Variants in DCUN1D5 observed in about 807,000 individuals in gnomAD.
DCUN1D5 encodes the protein DCN1-like protein 5.
Under a neutral mutation model 38.3 loss-of-function variants are expected in DCUN1D5, and 10 were observed. The ratio of observed to expected loss-of-function variants is 0.26; its 90% CI spans 0.16 to 0.44. The LOEUF is 0.44. Ranked by LOEUF, DCUN1D5 falls within the 20% of genes least tolerant of loss-of-function variation. DCUN1D5 has a pLI of 1.00. For synonymous variants in DCUN1D5, 93 were observed against 90.9 expected (o/e 1.02, Z -0.13); for missense variants, 148 against 275.3 (o/e 0.54, Z 3.27).
In DCUN1D5 at chr11:103,054,629, ATAGT is replaced by A. The variant is rs1861827949; in HGVS notation, c.*7726_*7729del. 6.6e-6 allele frequency: 1 copy of A among 152,124 alleles called. No individual in the cohort carries two copies. Among genetic ancestry groups the A allele is most frequent in the South Asian group, 2.1e-4 (1 of 4,830 alleles). 9.4% of individuals were successfully genotyped at this position (152,124 alleles called of 1,614,324 possible). A position where few individuals can be genotyped will look rare whatever the true frequency, so the allele number is the denominator to read the frequency against. On this transcript the variant is annotated 3_prime_UTR_variant, in exon 8 of 8. Transcript: ENST00000260247. ...ACGCTCATATAATAATACCCAGCACATAGTTAATTATTTCCTGAAAAAATGTTTT... is the reference window on the plus strand; with the variant it reads ...ACGCTCATATAATAATACCCAGCACATAATTATTTCCTGAAAAAATGTTTT...
rs1363416243 is a variant in DCUN1D5, at chr11:103,091,683, C to G, written c.86+104G>C. ...GCCTAGCTCGATCAAAGGGGCCTCA[C>G]CTGTCTCCAGCCCCAGCCCGGCAGG... is the stretch of plus-strand genomic sequence containing the variant. On this transcript the variant is annotated intron_variant, in intron 1 of 7. Transcript: ENST00000260247. This position sits in a 1 kb window ranked among gnomAD's most constrained non-coding sequence, Gnocchi z 4.3. 6.2e-7 allele frequency: 1 copy of G among 1,604,242 alleles called. No individual in the cohort carries two copies. The highest frequency in any genetic ancestry group is 1.7e-5 in the Admixed American group (1 of 58,990).
chr11:103,051,710 A>G lies in DCUN1D5; in HGVS notation c.*10649T>C, dbSNP rs1861743517. ...AAGTACAATATCAATATGCACATCAATCTTACCTCTACCTCACAGAAGAGG... is the reference window on the plus strand; with the variant it reads ...AAGTACAATATCAATATGCACATCAGTCTTACCTCTACCTCACAGAAGAGG... On this transcript the variant is annotated 3_prime_UTR_variant, in exon 8 of 8. Coordinates refer to ENST00000260247, the MANE Select transcript of DCUN1D5 (RefSeq NM_032299.4). 6.6e-6 allele frequency: 1 copy of G among 152,146 alleles called. No individual in the cohort carries two copies. The highest frequency in any genetic ancestry group is 1.5e-5 in the Non-Finnish European group (1 of 68,028). The allele number at this position is 152,146 out of a possible 1,614,324, so 9.4% of individuals were successfully genotyped here. A position where few individuals can be genotyped will look rare whatever the true frequency, so the allele number is the denominator to read the frequency against.
In DCUN1D5 at chr11:103,054,791, T is replaced by C. The variant is rs1261427065; in HGVS notation, c.*7568A>G. ...TCCTTGGAATATAAATATACATTTA[T>C]ATTCAAATGTATATTAGCGTCAACT... On this transcript the variant is annotated 3_prime_UTR_variant, in exon 8 of 8. Transcript: ENST00000260247. The C allele has an allele frequency of 6.6e-6, 1 of 152,050 alleles. No homozygotes were observed. The highest frequency in any genetic ancestry group is 1.5e-5 in the Non-Finnish European group (1 of 67,984). The allele number at this position is 152,050 out of a possible 1,614,324, so 9.4% of individuals were successfully genotyped here.
rs938728294 is a variant in DCUN1D5 at position 103,071,576 on chromosome 11, ATATC to A, written c.342-5013_342-5010del. On this transcript the variant is annotated intron_variant, in intron 4 of 7. Coordinates refer to ENST00000260247, the MANE Select transcript of DCUN1D5 (RefSeq NM_032299.4). This position sits in a 1 kb window ranked among gnomAD's most constrained non-coding sequence, Gnocchi z 4.1. ...CTATTGATTTATATAGATATAATCT[ATATC>A]TATGTAAATATTTTATATAGAGATT... Among the ~76,000 whole-genome samples the A allele has an allele frequency of 1.7e-4, 25 of 149,920 alleles. No individual in the cohort carries two copies. Among genetic ancestry groups the A allele is most frequent in the Non-Finnish European group, 2.2e-4 (15 of 67,502 alleles).
At chr11:103,082,949 T>G (rs1441513032) in intron 3 of DCUN1D5, 110 bp from the exon 4 acceptor site, 1 of 783,744 alleles carries the variant, frequency 1.3e-6, no homozygotes, top group African/African-American at 1.7e-5. Flanking sequence ...CTTCAACTAT[T>G]AAAGAGTACA....
intron 4 of DCUN1D5, among the ~76,000 whole-genome samples, chr11:103,081,870 T>C (rs1393597268): frequency 1.3e-5 from 2 of 152,080 alleles, no homozygotes; most frequent in Non-Finnish European, 2.9e-5. Flanking sequence ...TAGTGCCTCA[T>C]AAACAAATAC....
rs908488893 is a variant in DCUN1D5 at position 103,071,828 on chromosome 11, A to C, written c.342-5261T>G. On this transcript the variant is annotated intron_variant, in intron 4 of 7. Transcript: ENST00000260247. The surrounding 1 kb of genome is among the most constrained non-coding windows in gnomAD (Gnocchi z 4.1). Reference sequence around the variant, plus strand: ...CCAGGAACAGATGGTTTCACTACAGAATTATACCAAACCTTTAAAGACTTA... The same window carrying C: ...CCAGGAACAGATGGTTTCACTACAGCATTATACCAAACCTTTAAAGACTTA... Among the ~76,000 whole-genome samples, 1 of 151,240 alleles carries C rather than the reference A, an allele frequency of 6.6e-6. No individual in the cohort carries two copies. Among genetic ancestry groups the C allele is most frequent in the Non-Finnish European group, 1.5e-5 (1 of 67,748 alleles).
In DCUN1D5 at chr11:103,057,531, C is replaced by A. The variant is rs550482337; in HGVS notation, c.*4828G>T. Among the ~76,000 whole-genome samples, 1 of 151,628 alleles carries A rather than the reference C, an allele frequency of 6.6e-6. No individual in the cohort carries two copies. The highest frequency in any genetic ancestry group is 1.9e-4 in the East Asian group (1 of 5,142). The stretch of plus-strand genomic sequence containing the variant: ...ACCAGCCTGGCCAACATGGTGAAAT[C>A]CCATCTTTACTAAAACAAACAAAAA... On this transcript the variant is annotated 3_prime_UTR_variant, in exon 8 of 8. Coordinates refer to ENST00000260247, the MANE Select transcript of DCUN1D5 (RefSeq NM_032299.4). The surrounding 1 kb of genome is among the most constrained non-coding windows in gnomAD (Gnocchi z 4.8).
chr11:103,091,721 C>T lies in DCUN1D5; in HGVS notation c.86+66G>A, dbSNP rs745795790. On this transcript the variant is annotated intron_variant, in intron 1 of 7. Transcript: ENST00000260247. The surrounding 1 kb of genome is among the most constrained non-coding windows in gnomAD (Gnocchi z 4.3). The stretch of plus-strand genomic sequence containing the variant: ...CCAGCCCGGCAGGCCGGGCCCGACT[C>T]CTTTTCCTCCAGTTGTCCAGCAAAG... 6.2e-7 allele frequency: 1 copy of T among 1,612,512 alleles called. No individual in the cohort carries two copies. The highest frequency in any genetic ancestry group is 2.2e-5 in the East Asian group (1 of 44,746).
rs565931506 is a variant in DCUN1D5 at position 103,078,104 on chromosome 11, T to C, written c.341+4644A>G. On this transcript the variant is annotated intron_variant, in intron 4 of 7. Coordinates refer to ENST00000260247, the MANE Select transcript of DCUN1D5 (RefSeq NM_032299.4). The surrounding 1 kb of genome is among the most constrained non-coding windows in gnomAD (Gnocchi z 4.6). ...TTACACTTCAAAGTCCGGGGCTCAATAGAGACTAGATTTACAAACTGCAAC... is the reference window on the plus strand; with the variant it reads ...TTACACTTCAAAGTCCGGGGCTCAACAGAGACTAGATTTACAAACTGCAAC... Among the ~76,000 whole-genome samples the C allele has an allele frequency of 3.9e-5, 6 of 152,264 alleles. No homozygotes were observed. The highest frequency in any genetic ancestry group is 7.3e-5 in the Non-Finnish European group (5 of 68,030).
rs1235861276 is a variant in DCUN1D5, at chr11:103,064,557, T to G, written c.556-180A>C. On this transcript the variant is annotated intron_variant, in intron 6 of 7. Transcript: ENST00000260247. The surrounding 1 kb of genome is among the most constrained non-coding windows in gnomAD (Gnocchi z 4.5). ...GGCATTTACATATTAACATAATCTA[T>G]TTTTTACTTTTTTTTTCATTTTTGA... Among the ~76,000 whole-genome samples the G allele has an allele frequency of 6.6e-6, 1 of 152,148 alleles. No individual in the cohort carries two copies. The highest frequency in any genetic ancestry group is 1.5e-5 in the Non-Finnish European group (1 of 68,018).
At chr11:103,074,723 T>C (rs1330192200) in intron 4 of DCUN1D5, among the ~76,000 whole-genome samples, 1 of 152,160 alleles carries the variant, frequency 6.6e-6, no homozygotes, top group African/African-American at 2.4e-5. Flanking sequence ...CTGCTGTTTT[T>C]CACTTTCAGA....
At position 103,091,796 on chromosome 11, in the gene DCUN1D5, T is replaced by C; in HGVS notation, c.77A>G (p.Lys26Arg). The change falls in exon 1 of 8, where the codon AAA (lysine) becomes AGA (arginine). Residue 26 changes from lysine (K) to arginine (R), a missense_variant. Coordinates refer to ENST00000260247, the MANE Select transcript of DCUN1D5 (RefSeq NM_032299.4). This position sits in a 1 kb window ranked among gnomAD's most constrained non-coding sequence, Gnocchi z 4.3. ...TGGGGGGAGATGGTACCTGGAGATTTTACACTTTTTGAGGCCTCCGTCTTC... is the reference window on the plus strand; with the variant it reads ...TGGGGGGAGATGGTACCTGGAGATTCTACACTTTTTGAGGCCTCCGTCTTC... ...VAEDGGLKKC[K>R]ISSYCRSQPP... 1 of 1,613,962 alleles carries C rather than the reference T, an allele frequency of 6.2e-7. No individual in the cohort carries two copies. Among genetic ancestry groups the C allele is most frequent in the African/African-American group, 1.3e-5 (1 of 74,984 alleles).
intron 2 of DCUN1D5, among the ~76,000 whole-genome samples, chr11:103,088,288 T>G (rs577338603): frequency 6.6e-6 from 1 of 150,524 alleles, no homozygotes; most frequent in East Asian, 1.9e-4. Flanking sequence ...TTGAGAATGA[T>G]AGTGATTAAA....
rs75181137 is a variant in DCUN1D5, at chr11:103,078,117, T to C, written c.341+4631A>G. Among the ~76,000 whole-genome samples, 3,440 of 152,294 alleles carry C rather than the reference T, an allele frequency of 0.023. 142 individuals carry two copies. The highest frequency in any genetic ancestry group is 0.078 in the African/African-American group (3,244 of 41,528). ...TCCGGGGCTCAATAGAGACTAGATTTACAAACTGCAACCTACCGGCAGGCA... is the reference window on the plus strand; with the variant it reads ...TCCGGGGCTCAATAGAGACTAGATTCACAAACTGCAACCTACCGGCAGGCA... On this transcript the variant is annotated intron_variant, in intron 4 of 7. Coordinates refer to ENST00000260247, the MANE Select transcript of DCUN1D5 (RefSeq NM_032299.4). The surrounding 1 kb of genome is among the most constrained non-coding windows in gnomAD (Gnocchi z 4.6).
intron 4 of DCUN1D5, among the ~76,000 whole-genome samples, chr11:103,070,427 A>G (rs1421239168): frequency 6.6e-6 from 1 of 152,208 alleles, no homozygotes; most frequent in Non-Finnish European, 1.5e-5. Context: ...ATTAAAATAG[A>G]GCAACTTCAG....
At position 103,064,065 on chromosome 11, in the gene DCUN1D5, G is replaced by C. The variant is rs758058072; in HGVS notation, c.658+210C>G. 5.3e-5 allele frequency among the ~76,000 whole-genome samples: 8 copies of C among 152,082 alleles called. No individual in the cohort carries two copies. The highest frequency in any genetic ancestry group is 8.8e-5 in the Non-Finnish European group (6 of 67,972). On this transcript the variant is annotated intron_variant, in intron 7 of 7. Transcript: ENST00000260247. The surrounding 1 kb of genome is among the most constrained non-coding windows in gnomAD (Gnocchi z 4.5). ...TTAGCTAAAATGTTTGGTTGCCGAG[G>C]AACTGAAAACATTTCATTTACCAGC...
At position 103,091,487 on chromosome 11, in the gene DCUN1D5, G is replaced by A; in HGVS notation, c.86+300C>T. 2.7e-6 allele frequency: 1 copy of A among 372,782 alleles called. No individual in the cohort carries two copies. Among genetic ancestry groups the A allele is most frequent in the South Asian group, 2.4e-5 (1 of 41,532 alleles). 23.1% of individuals were successfully genotyped at this position (372,782 alleles called of 1,614,324 possible). A position where few individuals can be genotyped will look rare whatever the true frequency, so the allele number is the denominator to read the frequency against. On this transcript the variant is annotated intron_variant, in intron 1 of 7. Coordinates refer to ENST00000260247, the MANE Select transcript of DCUN1D5 (RefSeq NM_032299.4). This position sits in a 1 kb window ranked among gnomAD's most constrained non-coding sequence, Gnocchi z 4.3. Reference sequence around the variant, plus strand: ...GGATCGAGGGTCGGTTGTGGGGTGGGGGTGGGGGTGGGGGGAAGCGCAATT... The same window carrying A: ...GGATCGAGGGTCGGTTGTGGGGTGGAGGTGGGGGTGGGGGGAAGCGCAATT...
chr11:103,063,166 A>G lies in DCUN1D5; in HGVS notation c.659-752T>C, dbSNP rs918428461. Among the ~76,000 whole-genome samples the G allele has an allele frequency of 6.6e-6, 1 of 152,178 alleles. No individual in the cohort carries two copies. Among genetic ancestry groups the G allele is most frequent in the African/African-American group, 2.4e-5 (1 of 41,464 alleles). On this transcript the variant is annotated intron_variant, in intron 7 of 7. Transcript: ENST00000260247. The surrounding 1 kb of genome is among the most constrained non-coding windows in gnomAD (Gnocchi z 4.6). ...TGATAATAAATGGCAACTGAAAAAC[A>G]GCCTAGGTGTTGGCATACCATGAAC...
Sources: gnomAD v4.1 joint callset for allele counts (sites outside exome capture counted in the v4.1 genomes callset) on GRCh38, gnomAD v4.1.1 for gene constraint, Gnocchi (gnomAD v3.1) non-coding constraint, MANE v1.5 for transcripts, NCBI Gene and HGNC (gene_info 2026-07-23, HGNC 2026-07-21) for gene names.